The following ATL2 variants were observed in gnomAD, a reference collection of about 807,000 sequenced individuals.
ATL2 encodes atlastin-2.
A neutral mutation model predicts 73.9 loss-of-function variants in ATL2; 31 were observed. That is an observed-to-expected ratio of 0.42 (90% confidence interval 0.32 to 0.57). The LOEUF (loss-of-function observed/expected upper bound fraction) is 0.57, where lower values mean the gene tolerates loss of function less well. ATL2 is among the 20% of genes least tolerant of loss of function. The pLI is 0.14. For missense variants in ATL2, 738 were observed against 702.6 expected, an observed-to-expected ratio of 1.05 and a Z score of -0.57; for synonymous variants, 291 against 237.5, an observed-to-expected ratio of 1.23 and a Z score of -2.07.
chr2:38,325,671 C>CCA (rs1449009537), intron 2 of ATL2, among the ~76,000 whole-genome samples: 1 of 72,900 alleles, frequency 1.4e-5, no homozygotes, highest in African/African-American at 1.3e-4. Flanking sequence ...TACACACACA[C>CCA]ACACACACAC....
intron 1 of ATL2, among the ~76,000 whole-genome samples, chr2:38,373,360 A>C (rs1293799727): frequency 6.6e-6 from 1 of 152,238 alleles, no homozygotes; most frequent in East Asian, 1.9e-4. Flanking sequence ...CTAGCCTCTA[A>C]GTGGTTGTTT....
intron 9 of ATL2, among the ~76,000 whole-genome samples, chr2:38,304,585 C>T (rs1667352066): frequency 6.6e-6 from 1 of 152,102 alleles, no homozygotes; most frequent in Admixed American, 6.5e-5. Flanking sequence ...TAATTAACAA[C>T]CACAACTTTT....
At position 38,315,419 on chromosome 2, in the gene ATL2, G is replaced by C. The variant is rs1339886823; in HGVS notation, c.604-85C>G. On this transcript the variant is annotated intron_variant, in intron 4 of 12. Coordinates refer to ENST00000378954, the MANE Select transcript of ATL2 (RefSeq NM_001135673.4). Reference sequence around the variant, plus strand: ...TGTATAACTTTACTTGTGGAAAAAAGGTTATTTTGTATCTCAGCGCAAAGG... The same window carrying C: ...TGTATAACTTTACTTGTGGAAAAAACGTTATTTTGTATCTCAGCGCAAAGG... 5.1e-6 allele frequency: 7 copies of C among 1,384,992 alleles called. No homozygotes were observed. In the African/African-American group the frequency reaches 1.1e-4, roughly 21 times the overall value. 85.8% of individuals were successfully genotyped at this position (1,384,992 alleles called of 1,614,324 possible).
chr2:38,373,127 T>C (rs937677287), intron 1 of ATL2, among the ~76,000 whole-genome samples: 2 of 152,332 alleles, frequency 1.3e-5, no homozygotes, highest in Non-Finnish European at 1.5e-5. Context: ...CTACCTTATA[T>C]GAGGGCTCCA....
chr2:38,322,625 T>C (rs557099098), intron 2 of ATL2, among the ~76,000 whole-genome samples: 2 of 152,158 alleles, frequency 1.3e-5, no homozygotes, highest in South Asian at 2.1e-4. Flanking sequence ...TTAAAAAGAA[T>C]TGGTGTCTCA....
chr2:38,348,524 A>G (rs1244437884), intron 1 of ATL2, among the ~76,000 whole-genome samples: 1 of 152,162 alleles, frequency 6.6e-6, no homozygotes, highest in Non-Finnish European at 1.5e-5. Flanking sequence ...CAAAAGTAAT[A>G]ACTGCTAAAA....
chr2:38,369,032 T>C (rs1486528875), intron 1 of ATL2, among the ~76,000 whole-genome samples: 4 of 152,228 alleles, frequency 2.6e-5, no homozygotes, highest in Admixed American at 2.0e-4. Context: ...TTTTTACCTA[T>C]ATGTTGGCAT....
At chr2:38,365,540 T>G (rs932655695) in intron 1 of ATL2, among the ~76,000 whole-genome samples, 1 of 151,920 alleles carries the variant, frequency 6.6e-6, no homozygotes, top group Non-Finnish European at 1.5e-5. Context: ...CCTGTAATCT[T>G]AGCACTTTCG....
chr2:38,306,656 A>T (rs1403042107), intron 9 of ATL2, among the ~76,000 whole-genome samples: 1 of 152,186 alleles, frequency 6.6e-6, no homozygotes, highest in African/African-American at 2.4e-5. Flanking sequence ...AAACCATATG[A>T]CCATTTCAAT....
At chr2:38,346,779 G>A (rs895027367) in intron 1 of ATL2, among the ~76,000 whole-genome samples, 2 of 152,164 alleles carry the variant, frequency 1.3e-5, no homozygotes, top group African/African-American at 4.8e-5. Flanking sequence ...GTTCCTAACA[G>A]GCCACGGACG....
intron 3 of ATL2, 100 bp from the exon 4 acceptor site, chr2:38,318,739 A>G: frequency 2.3e-6 from 3 of 1,326,142 alleles, no homozygotes; most frequent in Non-Finnish European, 3.1e-6. Context: ...TTAAATCAAG[A>G]AAAGTACTTA....
chr2:38,376,864 G>C (rs1021703901), intron 1 of ATL2, among the ~76,000 whole-genome samples: 1 of 150,620 alleles, frequency 6.6e-6, no homozygotes, highest in Non-Finnish European at 1.5e-5. Flanking sequence ...CCACGCGGCG[G>C]GCTGGCGGGC....
chr2:38,352,925 C>G (rs1245813463), intron 1 of ATL2, among the ~76,000 whole-genome samples: 3 of 152,286 alleles, frequency 2.0e-5, no homozygotes, highest in Middle Eastern at 3.4e-3. Context: ...CCCACACTAA[C>G]GAAGTATGAA....
At chr2:38,334,659 T>C (rs1483284186) in intron 2 of ATL2, among the ~76,000 whole-genome samples, 7 of 150,802 alleles carry the variant, frequency 4.6e-5, no homozygotes, top group Non-Finnish European at 7.4e-5. Context: ...GATCGCGCCA[T>C]TGCACTCCAG....
In ATL2 at chr2:38,376,052, G is replaced by T. The variant is rs911474626; in HGVS notation, c.118+1091C>A. On this transcript the variant is annotated intron_variant, in intron 1 of 12. Transcript: ENST00000378954. ...AAAACCTTTACACACCGTAAAAAAA[G>T]AAATCTTAAGACACGAGCTCGTATC... The T allele has an allele frequency of 3.2e-5, 44 of 1,375,606 alleles. No homozygotes were observed. The South Asian group carries it at 7.2e-4, about 23-fold the overall frequency. 85.2% of individuals were successfully genotyped at this position (1,375,606 alleles called of 1,614,324 possible).
At position 38,310,379 on chromosome 2, in the gene ATL2, A is replaced by C; in HGVS notation, c.873T>G (p.Leu291=). 6.2e-7 allele frequency: 1 copy of C among 1,610,452 alleles called. No individual in the cohort carries two copies. Among genetic ancestry groups the C allele is most frequent in the South Asian group, 1.1e-5 (1 of 90,328 alleles). Residue 291 remains leucine (L), a synonymous_variant, in exon 8 of 13, where the codon CTT becomes CTG. Coordinates refer to ENST00000378954, the MANE Select transcript of ATL2 (RefSeq NM_001135673.4). ...CAGGATGTGGCAAAAGGAAGCAACC[A>C]AGATTTGAGAAACAATTGTGTATGT... ...RKHIHNCFSN[L]GCFLLPHPGL... is the part of the protein sequence containing the mutation.
At position 38,296,608 on chromosome 2, in the gene ATL2, T is replaced by C. The variant is rs766824661; in HGVS notation, c.1633-495A>G. 6.2e-7 allele frequency: 1 copy of C among 1,612,842 alleles called. No individual in the cohort carries two copies. Among genetic ancestry groups the C allele is most frequent in the Non-Finnish European group, 8.5e-7 (1 of 1,179,370 alleles). ...GAAAACACCTAAAACATGAAGTGAT[T>C]TGTTAGGAGAATGAATCAGAGTGCC... On this transcript the variant is annotated intron_variant, in intron 12 of 12. Coordinates refer to ENST00000378954, the MANE Select transcript of ATL2 (RefSeq NM_001135673.4).
Position 38,327,828 on chromosome 2 carries a change from G to A in ATL2, c.364-8809C>T, listed in dbSNP as rs187154593. Among the ~76,000 whole-genome samples, 137 of 152,196 alleles carry A rather than the reference G, an allele frequency of 9.0e-4. 1 individual carries two copies. The highest frequency in any genetic ancestry group is 3.2e-3 in the African/African-American group (134 of 41,546). On this transcript the variant is annotated intron_variant, in intron 2 of 12. Coordinates refer to ENST00000378954, the MANE Select transcript of ATL2 (RefSeq NM_001135673.4). ...GCGGGTGCCTGTAATCCCAGCTACT[G>A]AGGAGGCTAAGGCAGAAGAACCATT...
intron 9 of ATL2, among the ~76,000 whole-genome samples, chr2:38,307,613 G>A (rs886911073): frequency 2.6e-5 from 4 of 152,004 alleles, no homozygotes; most frequent in Non-Finnish European, 5.9e-5. Context: ...AAAAATAAAC[G>A]AATGGGATCA....
Sources: gnomAD v4.1 joint callset for allele counts (sites outside exome capture counted in the v4.1 genomes callset) on GRCh38, gnomAD v4.1.1 for gene constraint, MANE v1.5 for transcripts, NCBI Gene and HGNC (gene_info 2026-07-23, HGNC 2026-07-21) for gene names.